FXR1: variants seen among roughly 807,000 people sequenced by gnomAD.
FXR1 encodes RNA-binding protein FXR1.
FXR1 carries 15 observed loss-of-function variants against 84.0 expected under a neutral mutation model. The observed-to-expected ratio is 0.18, with a 90% CI of 0.12 to 0.27. The LOEUF (loss-of-function observed/expected upper bound fraction) is 0.27, where lower values mean the gene tolerates loss of function less well. FXR1 is among the 10% of genes least tolerant of loss of function. The pLI is 1.00. For synonymous variants in FXR1, 245 were observed against 250.7 expected (o/e 0.98, Z 0.21); for missense variants, 480 against 774.4 (o/e 0.62, Z 4.51).
intron 1 of FXR1, among the ~76,000 whole-genome samples, chr3:180,918,859 C>A (rs1424676062): frequency 2.0e-5 from 3 of 152,168 alleles, no homozygotes; most frequent in Non-Finnish European, 2.9e-5. Flanking sequence ...TTAATCCTTT[C>A]AACCACAGTG....
intron 1 of FXR1, among the ~76,000 whole-genome samples, chr3:180,912,970 T>A (rs1395541696): frequency 6.6e-6 from 1 of 152,160 alleles, no homozygotes; most frequent in African/African-American, 2.4e-5. Flanking sequence ...TTCCTAGTTA[T>A]GAACCCTCTT....
At chr3:180,932,530 G>A (rs1467605461) in intron 1 of FXR1, among the ~76,000 whole-genome samples, 1 of 152,170 alleles carries the variant, frequency 6.6e-6, no homozygotes, top group Non-Finnish European at 1.5e-5. Flanking sequence ...TCTTGAGTAT[G>A]TCAGATCTTA....
chr3:180,942,281 G>C (rs1011397503), intron 3 of FXR1, among the ~76,000 whole-genome samples: 13 of 150,604 alleles, frequency 8.6e-5, no homozygotes, highest in African/African-American at 3.2e-4. Flanking sequence ...GGGAGGCTGA[G>C]GCAGGAGAAT....
chr3:180,957,618 C>T (rs1711525008), intron 9 of FXR1: 1 of 463,804 alleles, frequency 2.2e-6, no homozygotes, highest in Non-Finnish European at 3.9e-6. Flanking sequence ...TAACCTTAGG[C>T]GTGCTGAAAG....
intron 1 of FXR1, among the ~76,000 whole-genome samples, chr3:180,932,080 A>AAAAAAAAAC (rs980328023): frequency 2.0e-5 from 3 of 147,526 alleles, no homozygotes; most frequent in Non-Finnish European, 4.4e-5. Context: ...AGTTTCAAAA[A>AAAAAAAAAC]AAAAAAAAAA....
At chr3:180,965,516 C>T (rs923408496) in intron 13 of FXR1, among the ~76,000 whole-genome samples, 1 of 152,166 alleles carries the variant, frequency 6.6e-6, no homozygotes, top group Admixed American at 6.5e-5. Flanking sequence ...AGAAGGCTGA[C>T]ATGGGTCTCA....
In FXR1 at chr3:180,980,649, TGTAAG is replaced by T. The variant is rs773227042; in HGVS notation, c.*4360_*4364del. ...TTGAAATTTCATTAACTGAAACTGC[TGTAAG>T]GTGTTAGCAAATGTTAACCATAACA... On this transcript the variant is annotated 3_prime_UTR_variant, in exon 17 of 17. Transcript: ENST00000357559. 1.6e-4 allele frequency: 25 copies of T among 152,190 alleles called. No homozygotes were observed. In the Middle Eastern group the frequency reaches 0.01, roughly 62 times the overall value. The allele number at this position is 152,190 out of a possible 1,614,324, so 9.4% of individuals were successfully genotyped here.
intron 9 of FXR1, among the ~76,000 whole-genome samples, chr3:180,955,720 A>G (rs748270281): frequency 6.6e-6 from 1 of 152,208 alleles, no homozygotes; most frequent in South Asian, 2.1e-4. Context: ...TTTCAATCCA[A>G]GTCTGTCAAT....
chr3:180,940,514 C>G lies in FXR1; in HGVS notation c.198+5283C>G, dbSNP rs562719591. 2.7e-4 allele frequency among the ~76,000 whole-genome samples: 41 copies of G among 152,112 alleles called. No homozygotes were observed. The South Asian group carries it at 7.9e-3, about 29-fold the overall frequency. On this transcript the variant is annotated intron_variant, in intron 3 of 16. Transcript: ENST00000357559. ...CAGCAAGTAATATATAAGCAACACA[C>G]ATAGACACGTTACATAGTAAGCCTG...
At chr3:180,970,418 AT>A (rs1713414489) in intron 15 of FXR1, 60 bp downstream of exon 15, 21 of 274,654 alleles carry the variant, frequency 7.6e-5, no homozygotes, top group South Asian at 1.1e-4. Context: ...ATATATATAT[AT>A]ATAATTGTAA....
intron 1 of FXR1, among the ~76,000 whole-genome samples, chr3:180,920,600 C>T (rs1482649376): frequency 6.6e-6 from 1 of 151,590 alleles, no homozygotes; most frequent in East Asian, 1.9e-4. Context: ...CAACCTCTGC[C>T]TCTTAGGTTC....
At chr3:180,970,711 A>G (rs1713457446) in intron 15 of FXR1, 1 of 152,922 alleles carries the variant, frequency 6.5e-6, no homozygotes, top group Non-Finnish European at 1.5e-5. Flanking sequence ...ATTATAAATG[A>G]CACTGGTAAA....
intron 15 of FXR1, among the ~76,000 whole-genome samples, chr3:180,974,441 C>G (rs1429513426): frequency 6.6e-6 from 1 of 152,108 alleles, no homozygotes; most frequent in Non-Finnish European, 1.5e-5. Flanking sequence ...CCATGCCCGG[C>G]CCTAAGTTTC....
At chr3:180,921,782 A>G (rs1327413850) in intron 1 of FXR1, among the ~76,000 whole-genome samples, 2 of 151,692 alleles carry the variant, frequency 1.3e-5, no homozygotes, top group East Asian at 3.9e-4. Context: ...AGACACGTGT[A>G]TAATTTTACA....
Position 180,982,618 on chromosome 3 carries a change from C to T in FXR1, c.*6326C>T, listed in dbSNP as rs577569690. 6.6e-6 allele frequency: 1 copy of T among 152,286 alleles called. No homozygotes were observed. The highest frequency in any genetic ancestry group is 2.4e-5 in the African/African-American group (1 of 41,566). The allele number at this position is 152,286 out of a possible 1,614,324, so 9.4% of individuals were successfully genotyped here. On this transcript the variant is annotated 3_prime_UTR_variant, in exon 17 of 17. Coordinates refer to ENST00000357559, the MANE Select transcript of FXR1 (RefSeq NM_005087.4). The stretch of plus-strand genomic sequence containing the variant: ...CCTTTTTAGAGTTAATGCTTCATTG[C>T]CTGTCGGCATATTATCACTATCTGT...
intron 1 of FXR1, chr3:180,927,713 A>G (rs1322561562): frequency 4.3e-6 from 2 of 465,356 alleles, no homozygotes; most frequent in Non-Finnish European, 7.6e-6. Flanking sequence ...TCTACAAGAC[A>G]CAAACTGAAG....
intron 1 of FXR1, among the ~76,000 whole-genome samples, chr3:180,920,586 A>G (rs1718463344): frequency 6.7e-6 from 1 of 148,170 alleles, no homozygotes; most frequent in East Asian, 2.0e-4. Context: ...ATCTTGGCTC[A>G]CTGCAACCTC....
intron 1 of FXR1, among the ~76,000 whole-genome samples, chr3:180,923,841 T>C (rs1718857987): frequency 6.6e-6 from 1 of 152,040 alleles, no homozygotes; most frequent in African/African-American, 2.4e-5. Flanking sequence ...TCTTCCCCGC[T>C]CAGTCTCCTG....
chr3:180,968,427 C>G (rs1713115795), intron 14 of FXR1, 173 bp downstream of exon 14: 3 of 578,850 alleles, frequency 5.2e-6, no homozygotes, highest in African/African-American at 1.9e-5. Flanking sequence ...TAGAGTGTTT[C>G]TCAGTGAAGG....
Sources: gnomAD v4.1 joint callset for allele counts (sites outside exome capture counted in the v4.1 genomes callset) on GRCh38, gnomAD v4.1.1 for gene constraint, MANE v1.5 for transcripts, NCBI Gene and HGNC (gene_info 2026-07-23, HGNC 2026-07-21) for gene names.